ITFG2: variants seen among roughly 807,000 people sequenced by gnomAD.
ITFG2 encodes the protein integrin alpha FG-GAP repeat containing 2.
A neutral mutation model predicts 54.4 loss-of-function variants in ITFG2; 36 were observed. The observed-to-expected ratio is 0.66, with a 90% CI of 0.51 to 0.87. The LOEUF is 0.87. ITFG2 is among the 40% of genes least tolerant of loss of function. The pLI is 0.00. For missense variants in ITFG2, 524 were observed against 576.7 expected (o/e 0.91, Z 0.94); for synonymous variants, 211 against 225.4 (o/e 0.94, Z 0.57).
chr12:2,822,854 C>T lies in ITFG2; in HGVS notation c.1009C>T (p.His337Tyr). Residue 337 changes from histidine to tyrosine, a missense_variant, in exon 10 of 12, where the codon CAC becomes TAC. Coordinates refer to ENST00000228799, the MANE Select transcript of ITFG2 (RefSeq NM_018463.4). Reference protein sequence around the residue: ...AWDGQTYIIDHNRTVVRFQVD... With the variant: ...AWDGQTYIIDYNRTVVRFQVD... ...GGATGGACAGACATATATCATTGAT[C>T]ACAACCGCACCGTCGTCCGCTTCCA... The T allele has an allele frequency of 2.5e-6, 4 of 1,614,152 alleles. No homozygotes were observed. The African/African-American group carries it at 5.3e-5, about 22-fold the overall frequency.
At chr12:2,853,645 A>C in intron 2 of ITFG2, among the ~76,000 whole-genome samples, 1 of 148,380 alleles carries the variant, frequency 6.7e-6, no homozygotes, top group African/African-American at 2.5e-5. Flanking sequence ...CTTCACAGCC[A>C]CTCCAACTCC....
rs1030066153 is a variant in ITFG2 at position 2,817,486 on chromosome 12, T to C, written c.192+168T>C. 3 of 596,246 alleles carry C rather than the reference T, an allele frequency of 5.0e-6. No homozygotes were observed. In the East Asian group the frequency reaches 8.4e-5, roughly 17 times the overall value. The allele number at this position is 596,246 out of a possible 1,614,324, so 36.9% of individuals were successfully genotyped here. A position where few individuals can be genotyped will look rare whatever the true frequency, so the allele number is the denominator to read the frequency against. On this transcript the variant is annotated intron_variant, in intron 2 of 11. Transcript: ENST00000228799. The stretch of plus-strand genomic sequence containing the variant: ...TGATTCAGGGAGGGCAGCCCCCAGC[T>C]AGTGCTCCCATCTGTCCTCACACAC...
intron 5 of ITFG2, 92 bp from the exon 6 acceptor site, chr12:2,820,632 C>CA: frequency 3.9e-6 from 1 of 256,804 alleles, no homozygotes; most frequent in Non-Finnish European, 7.9e-6. Context: ...GCCCCTGCCC[C>CA]CGCCCCCGCC....
chr12:2,831,187 A>AT (rs750440577), downstream of ITFG2, among the ~76,000 whole-genome samples: 4 of 150,342 alleles, frequency 2.7e-5, no homozygotes, highest in Admixed American at 6.6e-5. Context: ...TCAAACTTAC[A>AT]TTTTTTTTTA....
upstream of ITFG2, chr12:2,835,156 C>CGT (rs1404966974): frequency 2.5e-5 from 33 of 1,299,468 alleles, 3 homozygotes; most frequent in African/African-American, 2.8e-4. Context: ...GTGGATGGGG[C>CGT]GTATGTGTGT....
Position 2,817,283 on chromosome 12 carries a change from A to G in ITFG2, c.157A>G (p.Ser53Gly), listed in dbSNP as rs766668116. Residue 53 changes from serine to glycine, a missense_variant, in exon 2 of 12, where the codon AGT becomes GGT. Coordinates refer to ENST00000228799, the MANE Select transcript of ITFG2 (RefSeq NM_018463.4). ...GKVSVYKNDDSRPWLTCSCQG... is the reference protein window; with the variant it reads ...GKVSVYKNDDGRPWLTCSCQG... ...GGTGTCTGTGTATAAAAATGATGAC[A>G]GTCGGCCATGGCTCACCTGTTCCTG... 30 of 1,613,870 alleles carry G rather than the reference A, an allele frequency of 1.9e-5. No individual in the cohort carries two copies. Among genetic ancestry groups the G allele is most frequent in the Non-Finnish European group, 2.3e-5 (27 of 1,179,948 alleles).
chr12:2,849,923 T>C (rs564292328), intron 2 of ITFG2, among the ~76,000 whole-genome samples: 4 of 152,296 alleles, frequency 2.6e-5, no homozygotes, highest in African/African-American at 9.6e-5. Context: ...AAGCCTGCGG[T>C]ATTGGGTCGA....
chr12:2,813,447 A>T (rs1185546739), intron 1 of ITFG2, among the ~76,000 whole-genome samples: 1 of 152,072 alleles, frequency 6.6e-6, no homozygotes, highest in Admixed American at 6.6e-5. Context: ...TGCACCAAGG[A>T]CTCTGCTACA....
chr12:2,847,248 T>G (rs991166529), intron 2 of ITFG2, among the ~76,000 whole-genome samples: 1 of 152,260 alleles, frequency 6.6e-6, no homozygotes, highest in Non-Finnish European at 1.5e-5. Context: ...TAATCATTCA[T>G]AAGTACACAA....
intron 1 of ITFG2, among the ~76,000 whole-genome samples, chr12:2,838,150 T>A (rs1269750110): frequency 1.3e-5 from 2 of 152,242 alleles, no homozygotes. Context: ...TGGCATGTTT[T>A]GCTGGGTTCC....
At chr12:2,849,333 G>A (rs1394155151) in intron 2 of ITFG2, 6 of 1,536,168 alleles carry the variant, frequency 3.9e-6, no homozygotes, top group Non-Finnish European at 5.2e-6. Context: ...CCTTTATCAG[G>A]GTTTGGAAAT....
chr12:2,817,330 C>T lies in ITFG2; in HGVS notation c.192+12C>T. On this transcript the variant is annotated intron_variant, in intron 2 of 11. Transcript: ENST00000228799. ...CCTGCCAGGGAATGGTCAGTATTCA[C>T]TTCCCTGGGCCTGGAGGGGGGAAGG... 1 of 1,592,802 alleles carries T rather than the reference C, an allele frequency of 6.3e-7. No individual in the cohort carries two copies. Among genetic ancestry groups the T allele is most frequent in the Non-Finnish European group, 8.6e-7 (1 of 1,161,808 alleles).
chr12:2,828,189 G>C, downstream of ITFG2: 1 of 1,139,054 alleles, frequency 8.8e-7, no homozygotes, highest in Non-Finnish European at 1.3e-6. Flanking sequence ...TTCTCTGCCA[G>C]AGTCTTCTAG....
At chr12:2,848,077 A>T (rs1181466566) in intron 2 of ITFG2, among the ~76,000 whole-genome samples, 1 of 152,218 alleles carries the variant, frequency 6.6e-6, no homozygotes, top group African/African-American at 2.4e-5. Flanking sequence ...AGGAACCTGA[A>T]AGCCAGAGGG....
At chr12:2,856,352 C>T (rs930936367) in intron 2 of ITFG2, among the ~76,000 whole-genome samples, 1 of 152,180 alleles carries the variant, frequency 6.6e-6, no homozygotes, top group Non-Finnish European at 1.5e-5. Flanking sequence ...CTTCGCCCTC[C>T]TATCCATCCC....
Position 2,856,836 on chromosome 12 carries a change from C to T in ITFG2, n.301-1176C>T, listed in dbSNP as rs2098088855. The stretch of plus-strand genomic sequence containing the variant: ...TCATAGGATGAAAAGGGGAAGACAG[C>T]AGAAAATGTATGGGCCAGGCAGTCT... On this transcript the variant is annotated intron_variant and non_coding_transcript_variant, in intron 2 of 3. Coordinates refer to the ITFG2 transcript ENST00000537710. 1.1e-5 allele frequency: 7 copies of T among 661,340 alleles called. No homozygotes were observed. The South Asian group carries it at 1.1e-4, about 11-fold the overall frequency. The allele number at this position is 661,340 out of a possible 1,614,324, so 41.0% of individuals were successfully genotyped here. A position where few individuals can be genotyped will look rare whatever the true frequency, so the allele number is the denominator to read the frequency against.
chr12:2,839,118 G>C (rs140730029), intron 1 of ITFG2, among the ~76,000 whole-genome samples: 42 of 152,114 alleles, frequency 2.8e-4, no homozygotes, highest in African/African-American at 9.9e-4. Context: ...GTAGTGAAAC[G>C]CTGTCTCTAC....
downstream of ITFG2, chr12:2,826,348 C>T (rs547016282): frequency 6.6e-6 from 1 of 152,232 alleles, no homozygotes; most frequent in East Asian, 1.9e-4. Flanking sequence ...GTGGATAGTT[C>T]TAGAAATCAG....
chr12:2,818,303 G>T, intron 4 of ITFG2, 26 bp downstream of exon 4: 3 of 1,608,712 alleles, frequency 1.9e-6, no homozygotes, highest in Non-Finnish European at 1.7e-6. Context: ...TTTGCAGGCA[G>T]CCAGGAGAGT....
Sources: gnomAD v4.1 joint callset for allele counts (sites outside exome capture counted in the v4.1 genomes callset) on GRCh38, gnomAD v4.1.1 for gene constraint, MANE v1.5 for transcripts, NCBI Gene and HGNC (gene_info 2026-07-23, HGNC 2026-07-21) for gene names.